GPHN: variants seen among roughly 807,000 people sequenced by gnomAD.
GPHN encodes gephyrin.
GPHN carries 17 observed loss-of-function variants against 95.5 expected under a neutral mutation model. The ratio of observed to expected loss-of-function variants is 0.18; its 90% confidence interval spans 0.12 to 0.27. The LOEUF (loss-of-function observed/expected upper bound fraction) is 0.27. Among genes scored for constraint, GPHN ranks in the 10% least tolerant of loss-of-function variants. The pLI, the probability that GPHN is intolerant of heterozygous loss-of-function variation, is 1.00. For missense variants in GPHN, 660 were observed against 978.1 expected (o/e 0.67, Z 4.34); for synonymous variants, 320 against 322.5 (o/e 0.99, Z 0.08).
the GPHN span, chr14:67,446,170 G>A: frequency 2.0e-5 from 8 of 399,814 alleles, no homozygotes; most frequent in East Asian, 2.6e-4. Context: ...TGATGCACTC[G>A]GCGCCTTTGG....
chr14:67,578,252 A>G, the GPHN span: 1 of 1,482,280 alleles, frequency 6.7e-7, no homozygotes, highest in South Asian at 1.2e-5. This position sits in a 1 kb window ranked among gnomAD's most constrained non-coding sequence, Gnocchi z 5.0. Context: ...AAGGGCTGCC[A>G]GGTGGGAAAG....
chr14:67,350,377 T>G, the GPHN span, among the ~76,000 whole-genome samples: 232 of 152,266 alleles, frequency 1.5e-3, 1 homozygote, highest in African/African-American at 5.5e-3. Context: ...TGATACAACG[T>G]TAAATGAAAA....
chr14:67,283,005 T>G, the GPHN span, among the ~76,000 whole-genome samples: 1 of 152,108 alleles, frequency 6.6e-6, no homozygotes, highest in Admixed American at 6.5e-5. Context: ...CTATCATATA[T>G]GTGACTATAA....
chr14:66,597,177 C>T (rs2062019051), intron 1 of GPHN, among the ~76,000 whole-genome samples: 1 of 151,846 alleles, frequency 6.6e-6, no homozygotes, highest in Non-Finnish European at 1.5e-5. Context: ...TTTGATGGCC[C>T]GAAGGCGAGA....
At chr14:67,500,715 G>T in the GPHN span, among the ~76,000 whole-genome samples, 479 of 150,760 alleles carry the variant, frequency 3.2e-3, 2 homozygotes, top group African/African-American at 0.011. Context: ...GAGACTACAG[G>T]CGCCCGCCAC....
rs112907284 is a variant in GPHN, at chr14:66,538,124, G to A, written c.64+29533G>A. On this transcript the variant is annotated intron_variant, in intron 1 of 22. Transcript: ENST00000478722. ...TGGGATTACAGGTGTGAGCCACCATGTCCAGCCTGAATCTTTTATTCTTAT... is the reference window on the plus strand; with the variant it reads ...TGGGATTACAGGTGTGAGCCACCATATCCAGCCTGAATCTTTTATTCTTAT... 3.6e-3 allele frequency among the ~76,000 whole-genome samples: 555 copies of A among 152,278 alleles called. 12 individuals are homozygous for A. Among genetic ancestry groups the A allele is most frequent in the African/African-American group, 0.013 (529 of 41,556 alleles).
chr14:67,058,191 A>G (rs570077751), intron 10 of GPHN, among the ~76,000 whole-genome samples: 10 of 152,204 alleles, frequency 6.6e-5, no homozygotes, highest in Non-Finnish European at 1.2e-4. Context: ...TTATATTTCA[A>G]TCCTTTTTTA....
chr14:66,545,718 G>C (rs1594901749), intron 1 of GPHN, among the ~76,000 whole-genome samples: 1 of 140,278 alleles, frequency 7.1e-6, no homozygotes, highest in Non-Finnish European at 1.5e-5. Context: ...CGGACGGGGT[G>C]GCTGGCCGGG....
At chr14:66,801,919 C>G (rs1255425030) in intron 3 of GPHN, among the ~76,000 whole-genome samples, 2 of 152,178 alleles carry the variant, frequency 1.3e-5, no homozygotes, top group African/African-American at 4.8e-5. Context: ...GGCCTGAAAC[C>G]AGCACAACAC....
At chr14:67,356,319 T>C in the GPHN span, among the ~76,000 whole-genome samples, 2 of 149,996 alleles carry the variant, frequency 1.3e-5, no homozygotes, top group African/African-American at 4.9e-5. Context: ...TACTCAGGAG[T>C]CTGAGGCACA....
intron 4 of GPHN, among the ~76,000 whole-genome samples, chr14:66,871,330 TTGG>T: frequency 6.6e-6 from 1 of 152,350 alleles, no homozygotes; most frequent in African/African-American, 2.4e-5. Flanking sequence ...CTACTATACT[TTGG>T]GATATATCAT....
At chr14:67,261,285 A>G in the GPHN span, among the ~76,000 whole-genome samples, 1 of 152,150 alleles carries the variant, frequency 6.6e-6, no homozygotes. Flanking sequence ...TTGGAGAGAA[A>G]CTCATAGAAA....
chr14:66,594,204 T>G (rs893522584), intron 1 of GPHN, among the ~76,000 whole-genome samples: 2 of 152,094 alleles, frequency 1.3e-5, no homozygotes, highest in Non-Finnish European at 2.9e-5. Context: ...GTTCATGAAT[T>G]GAAAGGATGA....
chr14:67,485,405 G>C, the GPHN span, among the ~76,000 whole-genome samples: 14 of 152,306 alleles, frequency 9.2e-5, no homozygotes, highest in Non-Finnish European at 1.8e-4. Context: ...TTCTGGCCCT[G>C]AATTATAAAC....
chr14:66,870,534 A>G (rs997895485), intron 4 of GPHN, among the ~76,000 whole-genome samples: 3 of 152,182 alleles, frequency 2.0e-5, no homozygotes, highest in South Asian at 2.1e-4. Flanking sequence ...ATGGAGAGCA[A>G]CTGTACCTAC....
In GPHN at chr14:66,922,727, T is replaced by A. The variant is rs1185985395; in HGVS notation, c.518T>A (p.Ile173Asn). 1.2e-6 allele frequency: 2 copies of A among 1,612,730 alleles called. No individual in the cohort carries two copies. Among genetic ancestry groups the A allele is most frequent in the Non-Finnish European group, 1.7e-6 (2 of 1,178,796 alleles). Residue 173 changes from isoleucine to asparagine, a missense_variant, in exon 7 of 23, where the codon ATT (isoleucine) becomes AAT (asparagine). By Grantham distance (149) the Ile-to-Asn change is moderately radical (BLOSUM62 -3). Coordinates refer to ENST00000478722, the MANE Select transcript of GPHN (RefSeq NM_020806.5). The part of the protein sequence containing the change: ...PHAIDLLRDA[I>N]VKVKEVHDEL... ...GCCATTGACCTTTTACGTGATGCCA[T>A]TGTAAAAGTAAAGGAGGTGCATGAT... is the stretch of plus-strand genomic sequence containing the variant.
chr14:66,557,432 T>C (rs1039835293), intron 1 of GPHN, among the ~76,000 whole-genome samples: 7 of 152,206 alleles, frequency 4.6e-5, no homozygotes, highest in African/African-American at 1.7e-4. Flanking sequence ...TTCAGTGAGA[T>C]ACTTTGTACT....
intron 1 of GPHN, among the ~76,000 whole-genome samples, chr14:66,599,392 A>ATTTTCTTTTT (rs2062126307): frequency 1.3e-5 from 1 of 76,522 alleles, no homozygotes; most frequent in African/African-American, 7.2e-5. Flanking sequence ...TTTTTTTTGC[A>ATTTTCTTTTT]TTTTTTTTTT....
the GPHN span, among the ~76,000 whole-genome samples, chr14:67,412,606 G>A: frequency 1.3e-5 from 2 of 152,120 alleles, no homozygotes; most frequent in African/African-American, 4.8e-5. Flanking sequence ...TAAGGCGGCA[G>A]GCACAGTTTG....
Sources: allele counts gnomAD v4.1 joint callset (sites outside exome capture counted in the v4.1 genomes callset), GRCh38; gene constraint gnomAD v4.1.1; non-coding constraint Gnocchi (gnomAD v3.1); transcripts MANE v1.5; gene names NCBI Gene and HGNC (gene_info 2026-07-23, HGNC 2026-07-21).